ARHGEF1: variants seen among roughly 807,000 people sequenced by gnomAD.
ARHGEF1 encodes 115 kDa guanine nucleotide exchange factor.
ARHGEF1 carries 40 observed loss-of-function variants against 119.7 expected under a neutral mutation model. The observed-to-expected ratio is 0.33, with a 90% CI of 0.26 to 0.44. The LOEUF is 0.44. Ranked by LOEUF, ARHGEF1 falls within the 20% of genes least tolerant of loss-of-function variation. The pLI is 1.00. For synonymous variants in ARHGEF1, 494 were observed against 521.0 expected (o/e 0.95, Z 0.71); for missense variants, 976 against 1,268.3 (o/e 0.77, Z 3.50).
At chr19:41,914,262 G>T (rs1555851560) in intron 18 of ARHGEF1, among the ~76,000 whole-genome samples, 1 of 150,058 alleles carries the variant, frequency 6.7e-6, no homozygotes, top group African/African-American at 2.5e-5. Context: ...CCCCGTCTCG[G>T]TATCTCTCCC....
At chr19:41,914,562 CAT>C (rs2074776210) in intron 18 of ARHGEF1, among the ~76,000 whole-genome samples, 2 of 76,902 alleles carry the variant, frequency 2.6e-5, no homozygotes, top group Non-Finnish European at 5.5e-5. Context: ...CCCCTTCCAC[CAT>C]CTCTGTCTCC....
chr19:41,897,455 C>T, intron 13 of ARHGEF1: 1 of 562,032 alleles, frequency 1.8e-6, no homozygotes, highest in Non-Finnish European at 2.6e-6. Context: ...ATCACCCTCC[C>T]AGTTGAAGAG....
chr19:41,906,970 T>C lies in ARHGEF1; in HGVS notation c.*18-135T>C. On this transcript the variant is annotated intron_variant, in intron 28 of 28. Transcript: ENST00000354532. The surrounding 1 kb of genome is among the most constrained non-coding windows in gnomAD (Gnocchi z 4.5). The stretch of plus-strand genomic sequence containing the variant: ...GTGTCTCTGTTTCTGATAATCTGTT[T>C]CTCTGTCTCTGTGCCCGCCTGCCTC... 1.0e-6 allele frequency: 1 copy of C among 977,694 alleles called. No homozygotes were observed. The highest frequency in any genetic ancestry group is 1.7e-5 in the South Asian group (1 of 57,722). The allele number at this position is 977,694 out of a possible 1,614,324, so 60.6% of individuals were successfully genotyped here.
Position 41,906,561 on chromosome 19 carries a change from C to G in ARHGEF1, c.2596C>G (p.Arg866Gly), listed in dbSNP as rs201989159. Residue 866 changes from arginine to glycine, a missense_variant, in exon 27 of 29, where the codon CGG (arginine) becomes GGG (glycine). Physicochemically the swap from Arg to Gly is moderately radical, Grantham distance 125. Coordinates refer to ENST00000354532, the MANE Select transcript of ARHGEF1 (RefSeq NM_004706.4). This position sits in a 1 kb window ranked among gnomAD's most constrained non-coding sequence, Gnocchi z 4.5. ...AGGGGGCGGCCCCCTGAGCCCAGCA[C>G]GGACCCAGGAAATCCAGGAGAACCT... ...VPGGGPLSPA[R>G]TQEIQENLLS... 1 of 1,600,078 alleles carries G rather than the reference C, an allele frequency of 6.2e-7. No homozygotes were observed. Among genetic ancestry groups the G allele is most frequent in the South Asian group, 1.1e-5 (1 of 89,364 alleles).
chr19:41,927,874 C>A (rs1462542454), intron 1 of ARHGEF1, among the ~76,000 whole-genome samples: 1 of 152,004 alleles, frequency 6.6e-6, no homozygotes, highest in African/African-American at 2.4e-5. Flanking sequence ...GGCGCTGCCC[C>A]ACCTGCCCCT....
chr19:41,902,195 A>C lies in ARHGEF1; in HGVS notation c.1415-79A>C, dbSNP rs1599658444. 6.3e-7 allele frequency: 1 copy of C among 1,578,306 alleles called. No individual in the cohort carries two copies. ...CAGACACAGACACACCTGCAGCCCT[A>C]CCCCCACCACACCGCAGCAGGCCCC... On this transcript the variant is annotated intron_variant, in intron 15 of 28. Transcript: ENST00000354532. The surrounding 1 kb of genome is among the most constrained non-coding windows in gnomAD (Gnocchi z 6.5).
chr19:41,886,350 A>G (rs1362150658), intron 1 of ARHGEF1, among the ~76,000 whole-genome samples: 2 of 152,252 alleles, frequency 1.3e-5, no homozygotes, highest in Non-Finnish European at 2.9e-5. Context: ...GCACTTGCAA[A>G]GATAATGAGT....
intron 13 of ARHGEF1, chr19:41,898,084 G>A (rs112435050): frequency 5.0e-5 from 68 of 1,358,816 alleles, no homozygotes; most frequent in South Asian, 1.1e-4. Flanking sequence ...GTTCCGCCAC[G>A]GCAGTGCTTG....
At chr19:41,921,146 C>T (rs1237407465), upstream of ARHGEF1, among the ~76,000 whole-genome samples, 1 of 151,752 alleles carries the variant, frequency 6.6e-6, no homozygotes, top group Non-Finnish European at 1.5e-5. The surrounding 1 kb of genome is among the most constrained non-coding windows in gnomAD (Gnocchi z 4.4). Flanking sequence ...AGGGTGGAGG[C>T]GCCACCGTGA....
chr19:41,898,317 C>T, intron 13 of ARHGEF1, 125 bp from the exon 14 acceptor site: 2 of 1,438,876 alleles, frequency 1.4e-6, no homozygotes, highest in Non-Finnish European at 1.9e-6. Context: ...ACCTGGTCTG[C>T]TGCACGGGCC....
chr19:41,912,621 C>T (rs1425932396), intron 18 of ARHGEF1, among the ~76,000 whole-genome samples: 1 of 152,242 alleles, frequency 6.6e-6, no homozygotes, highest in African/African-American at 2.4e-5. Context: ...CTTCCGTACC[C>T]TCCCAGAAGA....
downstream of ARHGEF1, chr19:41,908,047 C>G: frequency 2.2e-6 from 1 of 452,144 alleles, no homozygotes; most frequent in Admixed American, 4.4e-5. The surrounding 1 kb of genome is among the most constrained non-coding windows in gnomAD (Gnocchi z 6.7). Flanking sequence ...TTCCCTCTGT[C>G]CTCTGTGGAG....
intron 18 of ARHGEF1, among the ~76,000 whole-genome samples, chr19:41,915,069 C>T (rs562217571): frequency 2.1e-4 from 24 of 113,838 alleles, no homozygotes; most frequent in African/African-American, 8.4e-4. Flanking sequence ...ACCTCTCCCC[C>T]ACCCATCGCT....
intron 12 of ARHGEF1, among the ~76,000 whole-genome samples, chr19:41,895,992 G>A (rs1433318789): frequency 1.3e-5 from 2 of 152,166 alleles, no homozygotes; most frequent in Non-Finnish European, 1.5e-5. Flanking sequence ...CTTAGCCTCC[G>A]TTTGCTTTTC....
At chr19:41,909,912 G>A (rs1186471027), downstream of ARHGEF1, 8 of 1,613,478 alleles carry the variant, frequency 5.0e-6, no homozygotes, top group Non-Finnish European at 4.2e-6. This position sits in a 1 kb window ranked among gnomAD's most constrained non-coding sequence, Gnocchi z 5.2. Flanking sequence ...TTGCATTTGC[G>A]AATACCCCAC....
In ARHGEF1 at chr19:41,903,452, G is replaced by A. The variant is rs531791342; in HGVS notation, c.1839+45G>A. ...ACACCCGGGACAGTGGATGGTGTGA[G>A]AGCAGGGGGTGGACCCTACCTCAGC... On this transcript the variant is annotated intron_variant, in intron 19 of 28. Transcript: ENST00000354532. This position sits in a 1 kb window ranked among gnomAD's most constrained non-coding sequence, Gnocchi z 4.2. 2.5e-6 allele frequency: 4 copies of A among 1,579,168 alleles called. No individual in the cohort carries two copies. The highest frequency in any genetic ancestry group is 3.5e-6 in the Non-Finnish European group (4 of 1,150,798).
intron 2 of ARHGEF1, among the ~76,000 whole-genome samples, chr19:41,929,312 C>CA (rs1218048257): frequency 1.3e-5 from 2 of 152,124 alleles, no homozygotes; most frequent in Admixed American, 1.3e-4. Context: ...CTCACTAACA[C>CA]ATAGGCAGAA....
Position 41,903,927 on chromosome 19 carries a change from G to A in ARHGEF1, c.1918-108G>A. On this transcript the variant is annotated intron_variant, in intron 20 of 28. Transcript: ENST00000354532. This position sits in a 1 kb window ranked among gnomAD's most constrained non-coding sequence, Gnocchi z 4.2. ...GTCCCCCACCTCATGCCAATCCCATGATCCCCAGCCTGTGGTCATCCCCGG... is the reference window on the plus strand; with the variant it reads ...GTCCCCCACCTCATGCCAATCCCATAATCCCCAGCCTGTGGTCATCCCCGG... 1 of 1,373,244 alleles carries A rather than the reference G, an allele frequency of 7.3e-7. No individual in the cohort carries two copies. The highest frequency in any genetic ancestry group is 1.2e-5 in the South Asian group (1 of 81,810). 85.1% of individuals were successfully genotyped at this position (1,373,244 alleles called of 1,614,324 possible). A position where few individuals can be genotyped will look rare whatever the true frequency, so the allele number is the denominator to read the frequency against.
In ARHGEF1 at chr19:41,905,800, G is replaced by C; in HGVS notation, c.2377G>C (p.Gly793Arg). The C allele has an allele frequency of 6.2e-7, 1 of 1,614,158 alleles. No individual in the cohort carries two copies. The highest frequency in any genetic ancestry group is 8.5e-7 in the Non-Finnish European group (1 of 1,180,026). Residue 793 changes from glycine to arginine, a missense_variant, in exon 25 of 29, where the codon GGT becomes CGT. Physicochemically the swap from Gly to Arg is moderately radical, Grantham distance 125 (BLOSUM62 -2). Transcript: ENST00000354532. The surrounding 1 kb of genome is among the most constrained non-coding windows in gnomAD (Gnocchi z 6.4). ...PLLSSSENGNGGRETSPADAR... is the reference protein window; with the variant it reads ...PLLSSSENGNRGRETSPADAR... ...CCTCAGCAGCTCTGAGAACGGCAAT[G>C]GTGGCCGAGAGACGTCTCCAGCTGA...
Sources: gnomAD v4.1 joint callset for allele counts (sites outside exome capture counted in the v4.1 genomes callset) on GRCh38, gnomAD v4.1.1 for gene constraint, Gnocchi (gnomAD v3.1) non-coding constraint, MANE v1.5 for transcripts, NCBI Gene and HGNC (gene_info 2026-07-23, HGNC 2026-07-21) for gene names.